Variants in RABGAP1L observed in about 807,000 individuals in gnomAD.
The protein encoded by RABGAP1L is RAB GTPase activating protein 1 like.
Under a neutral mutation model 137.7 loss-of-function variants are expected in RABGAP1L, and 63 were observed. The ratio of observed to expected loss-of-function variants is 0.46; its 90% CI spans 0.37 to 0.56. The LOEUF is 0.56. Among genes scored for constraint, RABGAP1L ranks in the 20% least tolerant of loss-of-function variants. The pLI is 0.00. For missense variants in RABGAP1L, 1,095 were observed against 1,244.0 expected, an observed-to-expected ratio of 0.88 and a Z score of 1.80; for synonymous variants, 431 against 433.7, an observed-to-expected ratio of 0.99 and a Z score of 0.08.
At chr1:174,877,211 C>G (rs532035901) in intron 19 of RABGAP1L, among the ~76,000 whole-genome samples, 2 of 152,066 alleles carry the variant, frequency 1.3e-5, no homozygotes, top group South Asian at 4.1e-4. Flanking sequence ...ATTGAATTTT[C>G]CAGCTTCTCT....
At chr1:174,311,295 T>C (rs1678822975) in intron 11 of RABGAP1L, among the ~76,000 whole-genome samples, 3 of 152,038 alleles carry the variant, frequency 2.0e-5, no homozygotes, top group Admixed American at 2.0e-4. Context: ...TATAAAACCA[T>C]CAGATGTCAT....
chr1:174,799,733 C>G (rs1240139479), intron 18 of RABGAP1L, among the ~76,000 whole-genome samples: 1 of 152,024 alleles, frequency 6.6e-6, no homozygotes, highest in Non-Finnish European at 1.5e-5. Context: ...CTTCCCTACC[C>G]CTTCATTACT....
intron 4 of RABGAP1L, among the ~76,000 whole-genome samples, chr1:174,232,907 CCTT>C (rs1481071335): frequency 6.6e-6 from 1 of 152,146 alleles, no homozygotes; most frequent in Non-Finnish European, 1.5e-5. Context: ...CTTCGTCCTT[CCTT>C]CTTTTCTTCT....
At chr1:174,479,621 A>T (rs1558268799) in intron 13 of RABGAP1L, among the ~76,000 whole-genome samples, 1 of 152,206 alleles carries the variant, frequency 6.6e-6, no homozygotes, top group Admixed American at 6.5e-5. Context: ...TTTGAATGCC[A>T]GTGTAGTATT....
At chr1:174,875,890 CA>C (rs767786099) in intron 19 of RABGAP1L, among the ~76,000 whole-genome samples, 2 of 152,156 alleles carry the variant, frequency 1.3e-5, no homozygotes, top group African/African-American at 2.4e-5. Context: ...CTGACTCCAA[CA>C]AGGGTCAAAC....
At chr1:174,234,434 G>A (rs1219321510) in intron 4 of RABGAP1L, among the ~76,000 whole-genome samples, 3 of 141,812 alleles carry the variant, frequency 2.1e-5, no homozygotes, top group Admixed American at 6.8e-5. Flanking sequence ...ATCTTGAATT[G>A]ATTTTTGTAT....
At chr1:174,451,661 CTCTG>C (rs1308387318) in intron 13 of RABGAP1L, among the ~76,000 whole-genome samples, 1 of 152,124 alleles carries the variant, frequency 6.6e-6, no homozygotes, top group African/African-American at 2.4e-5. Context: ...ATTTTTGTAC[CTCTG>C]TCTGTACCTT....
intron 12 of RABGAP1L, among the ~76,000 whole-genome samples, chr1:174,383,905 C>T (rs1219921948): frequency 6.6e-6 from 1 of 152,140 alleles, no homozygotes; most frequent in Non-Finnish European, 1.5e-5. Flanking sequence ...AATTGAAGAC[C>T]CTTCTTATAC....
intron 13 of RABGAP1L, among the ~76,000 whole-genome samples, chr1:174,416,052 T>C (rs1426960326): frequency 1.2e-5 from 1 of 80,762 alleles, no homozygotes; most frequent in Non-Finnish European, 2.3e-5. Flanking sequence ...ACATTTTTTT[T>C]TTCCTGTTTG....
At chr1:174,960,055 G>T (rs544902223) in intron 20 of RABGAP1L, among the ~76,000 whole-genome samples, 2 of 152,236 alleles carry the variant, frequency 1.3e-5, no homozygotes, top group East Asian at 3.9e-4. Context: ...ATCTTTGAGG[G>T]CATTGAGTGA....
At chr1:174,250,838 G>C (rs1672655439) in intron 6 of RABGAP1L, among the ~76,000 whole-genome samples, 1 of 152,104 alleles carries the variant, frequency 6.6e-6, no homozygotes, top group Non-Finnish European at 1.5e-5. Context: ...TGTCACCCAG[G>C]CTGGAGTGTG....
intron 13 of RABGAP1L, among the ~76,000 whole-genome samples, chr1:174,505,508 G>C (rs1661736695): frequency 6.8e-6 from 1 of 146,430 alleles, no homozygotes; most frequent in South Asian, 2.2e-4. Context: ...ATTTTTGCTT[G>C]TACTGAAAAA....
At chr1:174,232,296 T>C (rs935370640) in intron 4 of RABGAP1L, among the ~76,000 whole-genome samples, 1 of 151,368 alleles carries the variant, frequency 6.6e-6, no homozygotes, top group Non-Finnish European at 1.5e-5. Context: ...TCACTTGAGG[T>C]CAGGAGTTCG....
chr1:174,179,251 T>TA (rs1282974544), intron 1 of RABGAP1L, among the ~76,000 whole-genome samples: 6 of 152,170 alleles, frequency 3.9e-5, no homozygotes, highest in Non-Finnish European at 8.8e-5. Flanking sequence ...TTGACTGTGT[T>TA]AGCTTGTTCC....
chr1:174,327,254 A>G (rs1680510604), intron 11 of RABGAP1L, among the ~76,000 whole-genome samples: 3 of 152,196 alleles, frequency 2.0e-5, no homozygotes, highest in Admixed American at 2.0e-4. Context: ...CAAAAATAAT[A>G]GCAACTACAA....
intron 16 of RABGAP1L, among the ~76,000 whole-genome samples, 159 bp downstream of exon 16, chr1:174,699,809 CATAAT>C (rs1679514808): frequency 6.6e-6 from 1 of 152,114 alleles, no homozygotes; most frequent in African/African-American, 2.4e-5. Context: ...ATTGGTCTAT[CATAAT>C]ATGTTTATTT....
chr1:174,626,695 A>G (rs1419006375), intron 13 of RABGAP1L, among the ~76,000 whole-genome samples: 1 of 152,198 alleles, frequency 6.6e-6, no homozygotes, highest in Admixed American at 6.5e-5. Flanking sequence ...AAGGCTGGCA[A>G]TGATCCAGCC....
chr1:174,989,059 CTT>C (rs1671849757), intron 25 of RABGAP1L, among the ~76,000 whole-genome samples: 1 of 151,968 alleles, frequency 6.6e-6, no homozygotes, highest in South Asian at 2.1e-4. Flanking sequence ...AAAATTATAT[CTT>C]ATGGGAATTT....
intron 1 of RABGAP1L, among the ~76,000 whole-genome samples, chr1:174,217,567 G>GAA: frequency 6.6e-6 from 1 of 152,234 alleles, no homozygotes; most frequent in East Asian, 1.9e-4. Context: ...TGGCAGTTAA[G>GAA]GATTCATCGT....
Sources: allele counts gnomAD v4.1 joint callset (sites outside exome capture counted in the v4.1 genomes callset), GRCh38; gene constraint gnomAD v4.1.1; transcripts MANE v1.5; gene names NCBI Gene and HGNC (gene_info 2026-07-23, HGNC 2026-07-21).